The following MMP16 variants were observed in gnomAD, a reference collection of about 807,000 sequenced individuals.
The protein encoded by MMP16 is matrix metallopeptidase 16.
MMP16 carries 12 observed loss-of-function variants against 67.8 expected under a neutral mutation model. The ratio of observed to expected loss-of-function variants is 0.18; its 90% CI spans 0.11 to 0.29. The LOEUF (loss-of-function observed/expected upper bound fraction) is 0.29, where lower values mean the gene tolerates loss of function less well. Among genes scored for constraint, MMP16 ranks in the 10% least tolerant of loss-of-function variants. The probability of loss-of-function intolerance (pLI) is 1.00; values close to 1 mark genes in which losing one functional copy is unlikely to be tolerated. For missense variants in MMP16, 475 were observed against 765.7 expected, an observed-to-expected ratio of 0.62 and a Z score of 4.48; for synonymous variants, 249 against 255.9, an observed-to-expected ratio of 0.97 and a Z score of 0.26.
intron 7 of MMP16, among the ~76,000 whole-genome samples, chr8:88,060,642 T>C (rs1432824034): frequency 1.3e-5 from 2 of 152,114 alleles, no homozygotes; most frequent in East Asian, 1.9e-4. Context: ...ATGGGCACCT[T>C]ACATTGCCAA....
intron 1 of MMP16, among the ~76,000 whole-genome samples, chr8:88,261,380 A>C (rs1810385878): frequency 1.3e-5 from 2 of 152,136 alleles, no homozygotes; most frequent in African/African-American, 4.8e-5. Flanking sequence ...GTTACTGTAT[A>C]ATCAGTGCAT....
At chr8:88,251,288 A>C (rs1361631535) in intron 1 of MMP16, among the ~76,000 whole-genome samples, 1 of 151,860 alleles carries the variant, frequency 6.6e-6, no homozygotes, top group Non-Finnish European at 1.5e-5. Context: ...CTGGTACCAA[A>C]ACAGAGATAT....
At chr8:88,326,840 G>T (rs1488024994) in intron 1 of MMP16, 1 of 452,856 alleles carries the variant, frequency 2.2e-6, no homozygotes, top group East Asian at 4.0e-5. Flanking sequence ...GGCTACAATT[G>T]TGTCTTTGAG....
chr8:88,157,849 G>A (rs1420579268), intron 4 of MMP16, among the ~76,000 whole-genome samples: 1 of 147,428 alleles, frequency 6.8e-6, no homozygotes, highest in East Asian at 2.0e-4. Context: ...AGGCCCTGAT[G>A]TGTATTTTTC....
intron 9 of MMP16, among the ~76,000 whole-genome samples, chr8:88,043,374 C>T (rs1264609611): frequency 1.3e-5 from 2 of 152,148 alleles, no homozygotes; most frequent in African/African-American, 4.8e-5. Context: ...ACCTCCGCCT[C>T]CTGGGTTCAA....
chr8:88,155,188 C>G (rs181382668), intron 4 of MMP16, among the ~76,000 whole-genome samples: 2 of 152,078 alleles, frequency 1.3e-5, no homozygotes, highest in East Asian at 3.9e-4. Context: ...AAGTGTAATT[C>G]AGGACACATG....
chr8:88,176,094 T>C (rs575247017), intron 3 of MMP16, among the ~76,000 whole-genome samples: 2 of 152,230 alleles, frequency 1.3e-5, no homozygotes, highest in Non-Finnish European at 2.9e-5. Flanking sequence ...ATATTCACTT[T>C]GCACACCGGG....
chr8:88,065,207 C>G (rs1808449633), intron 7 of MMP16, among the ~76,000 whole-genome samples: 1 of 152,068 alleles, frequency 6.6e-6, no homozygotes, highest in Admixed American at 6.6e-5. Flanking sequence ...TCTCAACCTC[C>G]TAACTTGGTC....
chr8:88,291,741 A>G (rs574266794), intron 1 of MMP16, among the ~76,000 whole-genome samples: 175 of 152,356 alleles, frequency 1.1e-3, no homozygotes, highest in Middle Eastern at 3.4e-3. Flanking sequence ...ACGATTAGTA[A>G]TATATTTTAC....
chr8:88,093,641 A>C (rs1808977263), intron 6 of MMP16, among the ~76,000 whole-genome samples: 1 of 151,854 alleles, frequency 6.6e-6, no homozygotes, highest in African/African-American at 2.4e-5. Flanking sequence ...TTTATAAATA[A>C]AATTTTAAAA....
chr8:88,117,490 T>C (rs1161461197), intron 5 of MMP16, among the ~76,000 whole-genome samples: 2 of 152,124 alleles, frequency 1.3e-5, no homozygotes, highest in East Asian at 1.9e-4. Context: ...AATATTCTTT[T>C]GCAGACCTTC....
At chr8:88,214,014 G>A (rs1809550677) in intron 1 of MMP16, among the ~76,000 whole-genome samples, 1 of 152,064 alleles carries the variant, frequency 6.6e-6, no homozygotes, top group African/African-American at 2.4e-5. Flanking sequence ...GCGCCTAACA[G>A]ACTGTAGTTT....
At chr8:88,145,227 G>A (rs1196120142) in intron 4 of MMP16, among the ~76,000 whole-genome samples, 2 of 151,912 alleles carry the variant, frequency 1.3e-5, no homozygotes, top group East Asian at 3.9e-4. Context: ...ATATGGTATA[G>A]CCTGTTGCTC....
Position 88,033,926 on chromosome 8 carries a change from A to T in MMP16, c.*7535T>A, listed in dbSNP as rs1808018502. 1 of 152,060 alleles carries T rather than the reference A, an allele frequency of 6.6e-6. No homozygotes were observed. The highest frequency in any genetic ancestry group is 1.5e-5 in the Non-Finnish European group (1 of 67,972). 9.4% of individuals were successfully genotyped at this position (152,060 alleles called of 1,614,324 possible). On this transcript the variant is annotated 3_prime_UTR_variant, in exon 10 of 10. Transcript: ENST00000286614. ...ACCCATGATGTACCTTAAACAGAACACTATACTGTGACTACTTTCCTGTAT... is the reference window on the plus strand; with the variant it reads ...ACCCATGATGTACCTTAAACAGAACTCTATACTGTGACTACTTTCCTGTAT...
At chr8:88,094,540 C>G (rs1808994000) in intron 6 of MMP16, among the ~76,000 whole-genome samples, 1 of 151,358 alleles carries the variant, frequency 6.6e-6, no homozygotes. Context: ...TATGTTCTGT[C>G]TAGTCTTTAG....
In MMP16 at chr8:88,035,921, G is replaced by C. The variant is rs1397728050; in HGVS notation, c.*5540C>G. ...TATTAATCTTACCTGAAATATTTCA[G>C]AATTGTTTCAAAATCACACCAGTGG... On this transcript the variant is annotated 3_prime_UTR_variant, in exon 10 of 10. Transcript: ENST00000286614. The surrounding 1 kb of genome is among the most constrained non-coding windows in gnomAD (Gnocchi z 4.7). 6.6e-6 allele frequency: 1 copy of C among 151,858 alleles called. No individual in the cohort carries two copies. 9.4% of individuals were successfully genotyped at this position (151,858 alleles called of 1,614,324 possible).
At chr8:88,229,328 C>T (rs1225980999) in intron 1 of MMP16, among the ~76,000 whole-genome samples, 1 of 151,994 alleles carries the variant, frequency 6.6e-6, no homozygotes, top group Non-Finnish European at 1.5e-5. Flanking sequence ...TGACCGCATT[C>T]AATGACAACA....
chr8:88,133,900 G>A (rs1372092726), intron 4 of MMP16, among the ~76,000 whole-genome samples: 1 of 151,338 alleles, frequency 6.6e-6, no homozygotes, highest in Non-Finnish European at 1.5e-5. Flanking sequence ...TCTTCAAGTT[G>A]AAACATATAA....
chr8:88,097,620 T>C (rs1205283667), intron 6 of MMP16, among the ~76,000 whole-genome samples: 5 of 102,478 alleles, frequency 4.9e-5, no homozygotes, highest in African/African-American at 2.0e-4. Flanking sequence ...AGCAAAACCC[T>C]GTCTCAAAAA....
Sources: gnomAD v4.1 joint callset for allele counts (sites outside exome capture counted in the v4.1 genomes callset) on GRCh38, gnomAD v4.1.1 for gene constraint, Gnocchi (gnomAD v3.1) non-coding constraint, MANE v1.5 for transcripts, NCBI Gene and HGNC (gene_info 2026-07-23, HGNC 2026-07-21) for gene names.